The following MTERF4 variants were observed in gnomAD, a reference collection of about 807,000 sequenced individuals.
MTERF4 encodes the protein transcription termination factor 4, mitochondrial.
Under a neutral mutation model 22.5 loss-of-function variants are expected in MTERF4, and 17 were observed. The ratio of observed to expected loss-of-function variants is 0.75; its 90% CI spans 0.52 to 1.13. MTERF4 has a LOEUF of 1.13. Among genes scored for constraint, MTERF4 ranks in the 50% most tolerant of loss-of-function variants. The probability of loss-of-function intolerance (pLI) is 0.00; values close to 1 mark genes in which losing one functional copy is unlikely to be tolerated. For missense variants in MTERF4, 420 were observed against 466.8 expected (o/e 0.90, Z 0.92); for synonymous variants, 165 against 175.3 (o/e 0.94, Z 0.47).
chr2:241,053,217 G>A, the MTERF4 span: 235 of 1,609,308 alleles, frequency 1.5e-4, no homozygotes, highest in Non-Finnish European at 1.9e-4. Context: ...GCACGCGGCT[G>A]GGCGCGGTGG....
chr2:241,090,422 T>A (rs146796401), downstream of MTERF4: 3,010 of 1,547,558 alleles, frequency 1.9e-3, 43 homozygotes, highest in African/African-American at 0.034. Context: ...TATAGTTAAC[T>A]TTTTTTCATA....
chr2:241,052,380 G>A, the MTERF4 span: 114 of 1,586,046 alleles, frequency 7.2e-5, no homozygotes, highest in Admixed American at 2.9e-4. Flanking sequence ...TCCGGAGCCC[G>A]TGTGTGAATG....
In MTERF4 at chr2:241,078,080, A is replaced by G. The variant is rs76742695; in HGVS notation, n.480-2398T>C. On this transcript the variant is annotated intron_variant and non_coding_transcript_variant, in intron 4 of 4. Transcript: ENST00000464344. ...AGAAAGTAGAAACCACCAAAGTGTC[A>G]ATCAACTAACGAAAGGAAAAGTGGC... is the stretch of plus-strand genomic sequence containing the variant. Among the ~76,000 whole-genome samples the G allele has an allele frequency of 2.5e-3, 382 of 152,308 alleles. 13 individuals are homozygous for G. In the East Asian group the frequency reaches 0.065, roughly 26 times the overall value.
In MTERF4 at chr2:241,102,275, G is replaced by T; in HGVS notation, c.-2C>A. 2 of 1,549,568 alleles carry T rather than the reference G, an allele frequency of 1.3e-6. No individual in the cohort carries two copies. The highest frequency in any genetic ancestry group is 1.2e-5 in the South Asian group (1 of 84,060). On this transcript the variant is annotated 5_prime_UTR_variant, in exon 1 of 4. Coordinates refer to ENST00000391980, the MANE Select transcript of MTERF4 (RefSeq NM_182501.4). Reference sequence around the variant, plus strand: ...TACCTGACGGCCGAACGCAGCCATAGCGCGGAGAAGATGGCAGCAGTTACG... The same window carrying T: ...TACCTGACGGCCGAACGCAGCCATATCGCGGAGAAGATGGCAGCAGTTACG...
chr2:241,099,786 T>C lies in MTERF4; in HGVS notation c.130A>G (p.Thr44Ala). Residue 44 changes from threonine (T) to alanine (A), a missense_variant, in exon 2 of 4, where the codon ACT becomes GCT. Physicochemically the swap from Thr to Ala is moderately conservative, Grantham distance 58. Transcript: ENST00000391980. The part of the protein sequence containing the change: ...RTTASLLRKL[T>A]TASNGGVIEE... ...ATGACCCCTCCATTGGAGGCTGTAG[T>C]CAGTTTGCGCAACAAAGAAGCTGTC... The C allele has an allele frequency of 1.9e-6, 3 of 1,614,140 alleles. No homozygotes were observed. The highest frequency in any genetic ancestry group is 2.5e-6 in the Non-Finnish European group (3 of 1,180,024).
the MTERF4 span, chr2:241,063,649 GC>G: frequency 6.2e-7 from 1 of 1,612,402 alleles, no homozygotes; most frequent in African/African-American, 1.3e-5. Flanking sequence ...CCTCCCAGGG[GC>G]CTATGTCTGC....
In MTERF4 at chr2:241,073,700, G is replaced by A. The variant is rs968275010; in HGVS notation, n.2462C>T. Reference sequence around the variant, plus strand: ...AGCCCACCCCAGCCCCTGCCTCTGGGCCCCTCACCCCTCACTTCTCCAAAG... The same window carrying A: ...AGCCCACCCCAGCCCCTGCCTCTGGACCCCTCACCCCTCACTTCTCCAAAG... On this transcript the variant is annotated non_coding_transcript_exon_variant, in exon 5 of 5. Coordinates refer to the MTERF4 transcript ENST00000464344. The surrounding 1 kb of genome is among the most constrained non-coding windows in gnomAD (Gnocchi z 6.6). 8 of 459,242 alleles carry A rather than the reference G, an allele frequency of 1.7e-5. No homozygotes were observed. The highest frequency in any genetic ancestry group is 2.7e-5 in the Non-Finnish European group (7 of 259,436). The allele number at this position is 459,242 out of a possible 1,614,324, so 28.4% of individuals were successfully genotyped here. A position where few individuals can be genotyped will look rare whatever the true frequency, so the allele number is the denominator to read the frequency against.
chr2:241,084,589 A>C (rs1219682222), downstream of MTERF4, among the ~76,000 whole-genome samples: 1 of 152,216 alleles, frequency 6.6e-6, no homozygotes, highest in Admixed American at 6.5e-5. Context: ...AATTATTATC[A>C]GACTTTTTCC....
chr2:241,042,951 A>AT, the MTERF4 span, among the ~76,000 whole-genome samples: 1 of 152,180 alleles, frequency 6.6e-6, no homozygotes, highest in Non-Finnish European at 1.5e-5. Context: ...GGATCCACGT[A>AT]TTTGGAGTCT....
exon 5 of MTERF4, chr2:241,074,967 T>C (rs1322616260): frequency 6.6e-6 from 1 of 152,196 alleles, no homozygotes; most frequent in Non-Finnish European, 1.5e-5. Context: ...CATATATGTA[T>C]GGCAGAACAA....
the MTERF4 span, among the ~76,000 whole-genome samples, chr2:241,044,005 C>G: frequency 6.6e-6 from 1 of 152,080 alleles, no homozygotes; most frequent in Non-Finnish European, 1.5e-5. Context: ...TGAAGGTAGG[C>G]TGTGTAAGTA....
downstream of MTERF4, chr2:241,071,571 T>A: frequency 6.3e-7 from 1 of 1,580,358 alleles, no homozygotes; most frequent in Non-Finnish European, 8.5e-7. Flanking sequence ...CTGCCTGCTC[T>A]GCAGCCCCCA....
chr2:241,053,030 G>C, the MTERF4 span: 1 of 907,692 alleles, frequency 1.1e-6, no homozygotes. Context: ...ACCTTTCCCC[G>C]GTGAAGGGCA....
At chr2:241,063,418 C>T in the MTERF4 span, 2 of 630,246 alleles carry the variant, frequency 3.2e-6, no homozygotes, top group Admixed American at 2.3e-5. Context: ...GCACGCCTCC[C>T]GAGGAGGGGT....
At chr2:241,063,346 C>A in the MTERF4 span, 1 of 553,640 alleles carries the variant, frequency 1.8e-6, no homozygotes, top group South Asian at 2.0e-5. Flanking sequence ...CCTCCCATTG[C>A]GGAGTGGCCT....
At position 241,096,709 on chromosome 2, in the gene MTERF4, T is replaced by C; in HGVS notation, c.706-271A>G. 1.6e-6 allele frequency: 1 copy of C among 641,148 alleles called. No homozygotes were observed. The highest frequency in any genetic ancestry group is 1.6e-5 in the South Asian group (1 of 62,892). The allele number at this position is 641,148 out of a possible 1,614,324, so 39.7% of individuals were successfully genotyped here. On this transcript the variant is annotated intron_variant, in intron 3 of 3. Transcript: ENST00000391980. This position sits in a 1 kb window ranked among gnomAD's most constrained non-coding sequence, Gnocchi z 5.1. ...GAAGGGGCAGAAGGAAGAGGTGGTA[T>C]TTTTCTTTAAATGGGGAAGGAAAAG...
chr2:241,064,205 C>T, the MTERF4 span: 1 of 962,492 alleles, frequency 1.0e-6, no homozygotes, highest in African/African-American at 1.7e-5. The surrounding 1 kb of genome is among the most constrained non-coding windows in gnomAD (Gnocchi z 7.0). Context: ...CCGCCCTCTG[C>T]CCGCCTGCTC....
At chr2:241,064,208 G>C in the MTERF4 span, 1 of 920,906 alleles carries the variant, frequency 1.1e-6, no homozygotes, top group East Asian at 2.9e-5. This position sits in a 1 kb window ranked among gnomAD's most constrained non-coding sequence, Gnocchi z 7.0. Flanking sequence ...CCCTCTGCCC[G>C]CCTGCTCCCC....
At chr2:241,090,221 A>G, downstream of MTERF4, 2 of 1,483,582 alleles carry the variant, frequency 1.3e-6, no homozygotes, top group South Asian at 2.7e-5. Flanking sequence ...ATTGTTTTTT[A>G]CTATTTAACT....
Sources: allele counts gnomAD v4.1 joint callset (sites outside exome capture counted in the v4.1 genomes callset), GRCh38; gene constraint gnomAD v4.1.1; non-coding constraint Gnocchi (gnomAD v3.1); transcripts MANE v1.5; gene names NCBI Gene and HGNC (gene_info 2026-07-23, HGNC 2026-07-21).